RIC1: variants seen among roughly 807,000 people sequenced by gnomAD.
RIC1 encodes the protein RIC1 partner of RAB6A GEF complex.
A neutral mutation model predicts 169.0 loss-of-function variants in RIC1; 88 were observed. That is an observed-to-expected ratio of 0.52 (90% CI 0.44 to 0.62). The LOEUF (loss-of-function observed/expected upper bound fraction) is 0.62, where lower values mean the gene tolerates loss of function less well. RIC1 is among the 20% of genes least tolerant of loss of function. RIC1 has a pLI of 0.00. For missense variants in RIC1, 1,877 were observed against 1,725.5 expected, an observed-to-expected ratio of 1.09 and a Z score of -1.56; for synonymous variants, 790 against 601.5, an observed-to-expected ratio of 1.31 and a Z score of -4.59.
At chr9:5,674,809 TTGG>T (rs1357326165) in intron 2 of RIC1, among the ~76,000 whole-genome samples, 4 of 152,340 alleles carry the variant, frequency 2.6e-5, no homozygotes, top group Admixed American at 2.6e-4. Flanking sequence ...AAATTCATCT[TTGG>T]AGAAAGGCAC....
At chr9:5,731,843 G>A (rs1472936637) in intron 6 of RIC1, among the ~76,000 whole-genome samples, 4 of 152,140 alleles carry the variant, frequency 2.6e-5, no homozygotes, top group Admixed American at 1.3e-4. Context: ...TACTTATTTT[G>A]AGGAGTGAAA....
intron 8 of RIC1, 70 bp from the exon 9 acceptor site, chr9:5,742,798 GA>G (rs201838674): frequency 0.029 from 29,394 of 1,007,964 alleles, no homozygotes; most frequent in Non-Finnish European, 0.032. Flanking sequence ...GATTGTATTT[GA>G]AAAAAAAAAA....
intron 25 of RIC1, 23 bp downstream of exon 25, chr9:5,773,103 T>G (rs750569288): frequency 6.6e-7 from 1 of 1,518,574 alleles, no homozygotes; most frequent in Non-Finnish European, 8.9e-7. Context: ...TTCCTTAGGC[T>G]TGGTGTCCTT....
intron 14 of RIC1, among the ~76,000 whole-genome samples, chr9:5,754,024 G>C (rs540207039): frequency 2.7e-5 from 4 of 149,226 alleles, no homozygotes; most frequent in Admixed American, 1.3e-4. Context: ...GTGAGTGTGC[G>C]TGTGTGTATG....
In RIC1 at chr9:5,773,968, A is replaced by G. The variant is rs1827421785; in HGVS notation, c.3994A>G (p.Lys1332Glu). Residue 1332 changes from lysine (K) to glutamate (E), a missense_variant, in exon 26 of 26, where the codon AAG becomes GAG. Coordinates refer to ENST00000414202, the MANE Select transcript of RIC1 (RefSeq NM_020829.4). The part of the protein sequence containing the change: ...RWASTDCPGY[K>E]PFLNIIKPQL... ...TTTTTCTCTACATAGTCCTGGATAT[A>G]AGCCATTTTTAAACATCATTAAGCC... The G allele has an allele frequency of 6.2e-7, 1 of 1,603,432 alleles. No individual in the cohort carries two copies. The highest frequency in any genetic ancestry group is 1.3e-5 in the African/African-American group (1 of 74,368).
At chr9:5,708,926 C>G (rs999315145) in intron 3 of RIC1, among the ~76,000 whole-genome samples, 1 of 150,260 alleles carries the variant, frequency 6.7e-6, no homozygotes, top group African/African-American at 2.4e-5. Context: ...TTTTTTCATT[C>G]TTTTTTCCTA....
At chr9:5,714,051 T>C (rs1285658581) in intron 4 of RIC1, 48 bp downstream of exon 4, 1 of 1,220,466 alleles carries the variant, frequency 8.2e-7, no homozygotes, top group Non-Finnish European at 1.2e-6. Context: ...CAGTAGACAA[T>C]GTAGTTCGTA....
intron 2 of RIC1, among the ~76,000 whole-genome samples, chr9:5,681,915 G>A (rs1298811631): frequency 6.6e-6 from 1 of 152,092 alleles, no homozygotes; most frequent in Non-Finnish European, 1.5e-5. Flanking sequence ...TTATGTAATG[G>A]CCTTCTTTGT....
At chr9:5,640,907 A>G (rs959668519) in intron 1 of RIC1, among the ~76,000 whole-genome samples, 6 of 151,778 alleles carry the variant, frequency 4.0e-5, no homozygotes, top group Non-Finnish European at 7.4e-5. Context: ...TTTTGTCAGC[A>G]CTTTCAACAT....
intron 8 of RIC1, among the ~76,000 whole-genome samples, chr9:5,740,348 A>G (rs1825003803): frequency 6.6e-6 from 1 of 151,914 alleles, no homozygotes; most frequent in Admixed American, 6.6e-5. Flanking sequence ...AACTCTAGAA[A>G]CCCCAAAACC....
intron 1 of RIC1, among the ~76,000 whole-genome samples, chr9:5,638,010 G>A (rs1267309293): frequency 6.6e-6 from 1 of 152,172 alleles, no homozygotes; most frequent in Non-Finnish European, 1.5e-5. Context: ...TTATTATGTT[G>A]AGGTATGTTC....
chr9:5,666,368 G>C (rs1040006587), intron 2 of RIC1, among the ~76,000 whole-genome samples: 1 of 151,926 alleles, frequency 6.6e-6, no homozygotes, highest in Non-Finnish European at 1.5e-5. Context: ...GTCTGATTTG[G>C]ATGCCTTTAT....
chr9:5,680,798 A>G (rs1029016506), intron 2 of RIC1, among the ~76,000 whole-genome samples: 61 of 142,818 alleles, frequency 4.3e-4, no homozygotes, highest in Non-Finnish European at 7.3e-4. Flanking sequence ...CCAGAACACC[A>G]GCTCCTGCAG....
chr9:5,647,855 C>T (rs1056517030), intron 1 of RIC1, among the ~76,000 whole-genome samples: 2 of 150,926 alleles, frequency 1.3e-5, no homozygotes, highest in African/African-American at 4.9e-5. Flanking sequence ...ATCTTTTCAC[C>T]ATTGAGTTTG....
At position 5,775,624 on chromosome 9, in the gene RIC1, C is replaced by T. The variant is rs1274709154; in HGVS notation, c.*1378C>T. The T allele has an allele frequency of 6.6e-6, 1 of 152,158 alleles. No homozygotes were observed. The highest frequency in any genetic ancestry group is 1.5e-5 in the Non-Finnish European group (1 of 68,026). The allele number at this position is 152,158 out of a possible 1,614,324, so 9.4% of individuals were successfully genotyped here. A position where few individuals can be genotyped will look rare whatever the true frequency, so the allele number is the denominator to read the frequency against. Reference sequence around the variant, plus strand: ...TAGTTTAGAAACAAAACTTGGTCCTCTCTCCTTGCTTTTTAAAGTAAATGG... The same window carrying T: ...TAGTTTAGAAACAAAACTTGGTCCTTTCTCCTTGCTTTTTAAAGTAAATGG... On this transcript the variant is annotated 3_prime_UTR_variant, in exon 26 of 26. Transcript: ENST00000414202.
At chr9:5,713,672 C>T in intron 3 of RIC1, 1 of 290,830 alleles carries the variant, frequency 3.4e-6, no homozygotes, top group Non-Finnish European at 6.4e-6. Context: ...CTCTTCTTCC[C>T]ACCCTCCTAA....
At chr9:5,708,118 A>G (rs994752681) in intron 3 of RIC1, among the ~76,000 whole-genome samples, 7 of 152,246 alleles carry the variant, frequency 4.6e-5, no homozygotes, top group African/African-American at 1.4e-4. Flanking sequence ...TGCATGTACA[A>G]CAGCCTAGTT....
intron 21 of RIC1, among the ~76,000 whole-genome samples, chr9:5,767,477 C>CT (rs1204061194): frequency 1.3e-3 from 27 of 21,414 alleles, no homozygotes; most frequent in Admixed American, 0.012. Flanking sequence ...TGTTCATATT[C>CT]TCTTTTTTTT....
chr9:5,634,222 C>T (rs554119442), intron 1 of RIC1, among the ~76,000 whole-genome samples: 105 of 152,238 alleles, frequency 6.9e-4, no homozygotes, highest in African/African-American at 2.4e-3. Flanking sequence ...CTTTGAGATA[C>T]TGATTTCAAT....
Sources: allele counts gnomAD v4.1 joint callset (sites outside exome capture counted in the v4.1 genomes callset), GRCh38; gene constraint gnomAD v4.1.1; transcripts MANE v1.5; gene names NCBI Gene and HGNC (gene_info 2026-07-23, HGNC 2026-07-21).